Variants in GRIN2B observed in about 807,000 individuals in gnomAD.
GRIN2B encodes the protein glutamate ionotropic receptor NMDA type subunit 2B.
A neutral mutation model predicts 114.5 loss-of-function variants in GRIN2B; 5 were observed. That is an observed-to-expected ratio of 0.04 (90% confidence interval 0.02 to 0.09). The LOEUF (loss-of-function observed/expected upper bound fraction) is 0.09, where lower values mean the gene tolerates loss of function less well. Ranked by LOEUF, GRIN2B falls within the 10% of genes least tolerant of loss-of-function variation. The pLI is 1.00. For synonymous variants in GRIN2B, 787 were observed against 745.1 expected, an observed-to-expected ratio of 1.06 and a Z score of -0.92; for missense variants, 1,108 against 1,943.5, an observed-to-expected ratio of 0.57 and a Z score of 8.08.
chr12:13,729,754 A>G (rs921736122), intron 4 of GRIN2B, among the ~76,000 whole-genome samples: 14 of 147,374 alleles, frequency 9.5e-5, no homozygotes, highest in African/African-American at 3.2e-4. Context: ...GGAAATAACT[A>G]CAGGAGAAGA....
At chr12:13,620,766 A>G (rs937828046) in intron 5 of GRIN2B, among the ~76,000 whole-genome samples, 14 of 152,220 alleles carry the variant, frequency 9.2e-5, no homozygotes, top group African/African-American at 3.4e-4. Context: ...ACATCCTACA[A>G]ATTAAAGCAC....
chr12:13,837,615 C>T (rs751204378), intron 3 of GRIN2B, among the ~76,000 whole-genome samples: 5 of 152,134 alleles, frequency 3.3e-5, no homozygotes, highest in African/African-American at 4.8e-5. Flanking sequence ...AAGTCATTGC[C>T]TAAGTTCACA....
intron 2 of GRIN2B, among the ~76,000 whole-genome samples, chr12:13,942,053 A>C (rs959007485): frequency 5.9e-5 from 9 of 152,326 alleles, no homozygotes; most frequent in Admixed American, 5.9e-4. Flanking sequence ...CAAGCCTTTG[A>C]AAAAAGGTCT....
chr12:13,825,702 A>G (rs1460160526), intron 3 of GRIN2B, among the ~76,000 whole-genome samples: 1 of 151,734 alleles, frequency 6.6e-6, no homozygotes, highest in African/African-American at 2.4e-5. Flanking sequence ...TTTTTAGTAG[A>G]GAGGGGGTTT....
At position 13,729,346 on chromosome 12, in the gene GRIN2B, T is replaced by C. The variant is rs537338758; in HGVS notation, c.1010+23971A>G. ...CAGCTGTTTGGGTCATCTTTAGTCATGTCCGAACTCATTCTCAGAGTCCTA... is the reference window on the plus strand; with the variant it reads ...CAGCTGTTTGGGTCATCTTTAGTCACGTCCGAACTCATTCTCAGAGTCCTA... On this transcript the variant is annotated intron_variant, in intron 4 of 13. Transcript: ENST00000609686. Among the ~76,000 whole-genome samples the C allele has an allele frequency of 1.8e-4, 27 of 152,308 alleles. No individual in the cohort carries two copies. In the East Asian group the frequency reaches 4.8e-3, roughly 27 times the overall value.
chr12:13,671,761 A>G (rs1950023865), intron 5 of GRIN2B, among the ~76,000 whole-genome samples: 1 of 152,152 alleles, frequency 6.6e-6, no homozygotes, highest in African/African-American at 2.4e-5. Context: ...CAGATTCTTC[A>G]TTTATTTAGC....
chr12:13,904,817 C>T (rs988119678), intron 2 of GRIN2B, among the ~76,000 whole-genome samples: 5 of 151,966 alleles, frequency 3.3e-5, no homozygotes, highest in African/African-American at 1.2e-4. Flanking sequence ...GTTCATCTGC[C>T]TATCATTTCT....
chr12:13,744,934 A>C (rs985660697), intron 4 of GRIN2B, among the ~76,000 whole-genome samples: 1 of 152,080 alleles, frequency 6.6e-6, no homozygotes, highest in African/African-American at 2.4e-5. Flanking sequence ...TGCTGTTCAG[A>C]TCCCTCAGTA....
intron 3 of GRIN2B, among the ~76,000 whole-genome samples, chr12:13,815,411 G>A (rs4764035): frequency 0.28 from 42,608 of 151,722 alleles, 6,855 homozygotes; most frequent in Non-Finnish European, 0.37. Context: ...TTCTGACACC[G>A]TAACAACAAA....
intron 2 of GRIN2B, among the ~76,000 whole-genome samples, chr12:13,940,550 TA>T (rs2136835028): frequency 6.6e-6 from 1 of 152,056 alleles, no homozygotes; most frequent in South Asian, 2.1e-4. Context: ...ACAAGGGGTG[TA>T]ACTAGGAGAT....
At chr12:13,970,223 G>T (rs1247702735) in intron 2 of GRIN2B, among the ~76,000 whole-genome samples, 1 of 152,184 alleles carries the variant, frequency 6.6e-6, no homozygotes, top group Non-Finnish European at 1.5e-5. Context: ...GAAAGGAAGG[G>T]CAATAGCATA....
intron 2 of GRIN2B, among the ~76,000 whole-genome samples, chr12:13,974,358 T>C (rs1273211340): frequency 1.3e-5 from 2 of 152,228 alleles, no homozygotes; most frequent in East Asian, 1.9e-4. Context: ...TATACAATCA[T>C]GAAAGCAGAA....
chr12:13,661,757 G>A lies in GRIN2B; in HGVS notation c.1125+13988C>T, dbSNP rs575633409. Among the ~76,000 whole-genome samples, 7 of 152,306 alleles carry A rather than the reference G, an allele frequency of 4.6e-5. No homozygotes were observed. In the South Asian group the frequency reaches 8.3e-4, roughly 18 times the overall value. On this transcript the variant is annotated intron_variant, in intron 5 of 13. Coordinates refer to ENST00000609686, the MANE Select transcript of GRIN2B (RefSeq NM_000834.5). The stretch of plus-strand genomic sequence containing the variant: ...ATGTATTCCAACCAAAGGCGGCCCC[G>A]CAGAATGTGAACGCAGTGTTGCCCA...
chr12:13,895,292 C>T (rs1024417596), intron 2 of GRIN2B, among the ~76,000 whole-genome samples: 2 of 152,154 alleles, frequency 1.3e-5, no homozygotes, highest in Admixed American at 1.3e-4. Flanking sequence ...AGCATTATGA[C>T]TGTAAGAAGC....
In GRIN2B at chr12:13,550,293, A is replaced by G. The variant is rs1242831444; in HGVS notation, c.*12490T>C. On this transcript the variant is annotated 3_prime_UTR_variant, in exon 14 of 14. Transcript: ENST00000609686. ...TGCTGGTTATCCTAGAAACTCCACC[A>G]TTCCCCAAGGAGGGGAGCAGAGGCA... is the stretch of plus-strand genomic sequence containing the variant. The G allele has an allele frequency of 6.6e-6, 1 of 152,184 alleles. No individual in the cohort carries two copies. Among genetic ancestry groups the G allele is most frequent in the East Asian group, 1.9e-4 (1 of 5,188 alleles). 9.4% of individuals were successfully genotyped at this position (152,184 alleles called of 1,614,324 possible). A position where few individuals can be genotyped will look rare whatever the true frequency, so the allele number is the denominator to read the frequency against.
intron 2 of GRIN2B, among the ~76,000 whole-genome samples, chr12:13,893,008 A>G (rs1653623873): frequency 1.3e-5 from 2 of 152,184 alleles, no homozygotes; most frequent in Non-Finnish European, 2.9e-5. Context: ...TGATGACCTG[A>G]CCAAAACCAT....
chr12:13,630,787 G>T (rs999286797), intron 5 of GRIN2B, among the ~76,000 whole-genome samples: 6 of 152,102 alleles, frequency 3.9e-5, no homozygotes, highest in Non-Finnish European at 8.8e-5. Context: ...GCTGTTTCAG[G>T]CCACTAAGTT....
intron 2 of GRIN2B, among the ~76,000 whole-genome samples, chr12:13,870,336 C>G (rs896291097): frequency 6.6e-6 from 1 of 152,120 alleles, no homozygotes; most frequent in Non-Finnish European, 1.5e-5. Flanking sequence ...GGACCAGCAA[C>G]AAAGCAGCAG....
At chr12:13,569,316 A>ATTAAGCTGAGATCATCC (rs1173939903) in intron 12 of GRIN2B, among the ~76,000 whole-genome samples, 5 of 152,208 alleles carry the variant, frequency 3.3e-5, no homozygotes, top group African/African-American at 7.2e-5. Flanking sequence ...TGCAAACATA[A>ATTAAGCTGAGATCATCC]TTAAGCTGAG....
Sources: allele counts gnomAD v4.1 joint callset (sites outside exome capture counted in the v4.1 genomes callset), GRCh38; gene constraint gnomAD v4.1.1; transcripts MANE v1.5; gene names NCBI Gene and HGNC (gene_info 2026-07-23, HGNC 2026-07-21).